The following NR5A2 variants were observed in gnomAD, a reference collection of about 807,000 sequenced individuals.
The protein encoded by NR5A2 is nuclear receptor subfamily 5 group A member 2, also known as CYP7A promoter-binding factor.
A neutral mutation model predicts 62.7 loss-of-function variants in NR5A2; 26 were observed. The observed-to-expected ratio is 0.41, with a 90% CI of 0.30 to 0.58. The LOEUF (loss-of-function observed/expected upper bound fraction) is 0.58, where lower values mean the gene tolerates loss of function less well. NR5A2 is among the 20% of genes least tolerant of loss of function. The pLI is 0.22. For missense variants in NR5A2, 541 were observed against 669.1 expected, an observed-to-expected ratio of 0.81 and a Z score of 2.11; for synonymous variants, 246 against 241.7, an observed-to-expected ratio of 1.02 and a Z score of -0.16.
intron 7 of NR5A2, among the ~76,000 whole-genome samples, chr1:200,169,143 AG>A (rs1214488523): frequency 6.6e-6 from 1 of 152,178 alleles, no homozygotes; most frequent in African/African-American, 2.4e-5. Flanking sequence ...CAGGAGTTCA[AG>A]GCTACAGTGA....
intron 1 of NR5A2, among the ~76,000 whole-genome samples, chr1:200,037,660 GA>G (rs1571694884): frequency 6.6e-6 from 1 of 152,186 alleles, no homozygotes; most frequent in African/African-American, 2.4e-5. Context: ...ACAAAAATTG[GA>G]GCTTTTGGCA....
intron 7 of NR5A2, among the ~76,000 whole-genome samples, chr1:200,135,606 A>G (rs1469640495): frequency 2.0e-5 from 3 of 152,014 alleles, no homozygotes; most frequent in African/African-American, 7.2e-5. Flanking sequence ...CTTACTATTG[A>G]GGTGATATGG....
chr1:200,128,630 A>C (rs770447711), intron 7 of NR5A2, among the ~76,000 whole-genome samples: 3 of 152,224 alleles, frequency 2.0e-5, no homozygotes, highest in Non-Finnish European at 2.9e-5. Flanking sequence ...CACTGGCATT[A>C]AAAATCCTAA....
intron 5 of NR5A2, among the ~76,000 whole-genome samples, chr1:200,076,662 A>C (rs997730980): frequency 6.6e-6 from 1 of 152,226 alleles, no homozygotes; most frequent in Non-Finnish European, 1.5e-5. Flanking sequence ...AGCAGCTGAC[A>C]TCTTTTCAGA....
At chr1:200,128,663 A>G (rs1666832732) in intron 7 of NR5A2, among the ~76,000 whole-genome samples, 1 of 152,032 alleles carries the variant, frequency 6.6e-6, no homozygotes, top group Non-Finnish European at 1.5e-5. Flanking sequence ...CATCTCTAAG[A>G]TTTAGGTGGA....
chr1:200,141,891 TA>T (rs1361031241), intron 7 of NR5A2, among the ~76,000 whole-genome samples: 8 of 152,206 alleles, frequency 5.3e-5, no homozygotes, highest in African/African-American at 1.2e-4. Context: ...GCCAGTGTCT[TA>T]TATACTTTTA....
chr1:200,093,374 A>G (rs1258219024), intron 5 of NR5A2, among the ~76,000 whole-genome samples: 2 of 152,158 alleles, frequency 1.3e-5, no homozygotes, highest in Non-Finnish European at 2.9e-5. Context: ...GGCTCATAAA[A>G]CACACACATG....
chr1:200,167,313 C>G (rs1035292594), intron 7 of NR5A2, among the ~76,000 whole-genome samples: 4 of 152,186 alleles, frequency 2.6e-5, no homozygotes, highest in African/African-American at 9.7e-5. Context: ...ACCTTCTTCC[C>G]TTAACAGACA....
At chr1:200,038,649 C>A in intron 1 of NR5A2, 1 of 1,238,724 alleles carries the variant, frequency 8.1e-7, no homozygotes, top group Non-Finnish European at 1.1e-6. Flanking sequence ...GACACACTAG[C>A]AAGGGCACAC....
chr1:200,059,026 C>T (rs1004014534), intron 5 of NR5A2, among the ~76,000 whole-genome samples: 1 of 151,924 alleles, frequency 6.6e-6, no homozygotes, highest in African/African-American at 2.4e-5. Context: ...AGGAGAATCA[C>T]TTGACCTCAG....
intron 7 of NR5A2, among the ~76,000 whole-genome samples, chr1:200,127,501 AC>A (rs1210053983): frequency 6.6e-6 from 1 of 151,048 alleles, no homozygotes; most frequent in Non-Finnish European, 1.5e-5. Flanking sequence ...ACATGGTGAA[AC>A]CTCGTCTCTA....
At chr1:200,057,069 C>T (rs1050474575) in intron 5 of NR5A2, among the ~76,000 whole-genome samples, 4 of 152,138 alleles carry the variant, frequency 2.6e-5, no homozygotes, top group African/African-American at 7.2e-5. Flanking sequence ...CCTACGATGA[C>T]CTTCTCTAAT....
intron 5 of NR5A2, among the ~76,000 whole-genome samples, chr1:200,051,012 T>C (rs1033047113): frequency 2.0e-5 from 3 of 152,230 alleles, no homozygotes. Context: ...TAGTTTAACA[T>C]TGGCAAAAAC....
intron 7 of NR5A2, among the ~76,000 whole-genome samples, chr1:200,151,280 A>G (rs1013404333): frequency 2.6e-5 from 4 of 152,216 alleles, no homozygotes; most frequent in African/African-American, 7.2e-5. Flanking sequence ...AGAGAAAGCC[A>G]TGGGTTTCAA....
In NR5A2 at chr1:200,085,676, A is replaced by AC. The variant is rs1357844662; in HGVS notation, c.1111-25526_1111-25525insC. Among the ~76,000 whole-genome samples the AC allele has an allele frequency of 5.3e-5, 6 of 113,288 alleles. No individual in the cohort carries two copies. The South Asian group carries it at 8.9e-4, about 17-fold the overall frequency. 74.3% of individuals were successfully genotyped at this position (113,288 alleles called of 152,430 possible). A position where few individuals can be genotyped will look rare whatever the true frequency, so the allele number is the denominator to read the frequency against. On this transcript the variant is annotated intron_variant, in intron 5 of 7. Transcript: ENST00000367362. ...AAGACCTATCTCAAAAAAAAAAAAA[A>AC]AGAAAAGAAAGAAAGAAATGGTCTC...
intron 5 of NR5A2, among the ~76,000 whole-genome samples, chr1:200,073,157 G>T (rs951382548): frequency 6.6e-6 from 1 of 150,816 alleles, no homozygotes; most frequent in Non-Finnish European, 1.5e-5. Flanking sequence ...ATCGTGAACA[G>T]CCCTGAACCA....
intron 5 of NR5A2, among the ~76,000 whole-genome samples, chr1:200,080,793 T>C (rs1341516572): frequency 6.6e-6 from 1 of 152,228 alleles, no homozygotes; most frequent in African/African-American, 2.4e-5. Context: ...TGAGTATCAA[T>C]AGGAATTTCA....
chr1:200,067,468 G>A (rs2821390), intron 5 of NR5A2, among the ~76,000 whole-genome samples: 54,785 of 152,008 alleles, frequency 0.36, 10,875 homozygotes, highest in African/African-American at 0.53. Context: ...AGGCAGGACA[G>A]TTGCTTGAAC....
intron 7 of NR5A2, 27 bp from the exon 8 acceptor site, chr1:200,173,936 C>CTTTTTTTTTTTTTT (rs3034024): frequency 9.9e-7 from 1 of 1,006,502 alleles, no homozygotes; most frequent in African/African-American, 1.9e-5. Flanking sequence ...TGAAATGTTG[C>CTTTTTTTTTTTTTT]TTTTTTTTTT....
Sources: allele counts gnomAD v4.1 joint callset (sites outside exome capture counted in the v4.1 genomes callset), GRCh38; gene constraint gnomAD v4.1.1; transcripts MANE v1.5; gene names NCBI Gene and HGNC (gene_info 2026-07-23, HGNC 2026-07-21).